COG2: variants seen among roughly 807,000 people sequenced by gnomAD.
COG2 encodes component of oligomeric golgi complex 2.
COG2 carries 52 observed loss-of-function variants against 90.6 expected under a neutral mutation model. That is an observed-to-expected ratio of 0.57 (90% CI 0.46 to 0.72). The LOEUF is 0.72. Ranked by LOEUF, COG2 falls within the 30% of genes least tolerant of loss-of-function variation. COG2 has a pLI of 0.00. For synonymous variants in COG2, 337 were observed against 320.4 expected (o/e 1.05, Z -0.55); for missense variants, 829 against 891.2 (o/e 0.93, Z 0.89).
chr1:230,672,819 A>G (rs1662485371), intron 8 of COG2, among the ~76,000 whole-genome samples: 2 of 152,116 alleles, frequency 1.3e-5, no homozygotes, highest in African/African-American at 4.8e-5. Flanking sequence ...GCCTCTTGAC[A>G]CAGTGTCTTA....
chr1:230,668,114 T>C (rs1345291652), intron 5 of COG2, among the ~76,000 whole-genome samples: 1 of 152,054 alleles, frequency 6.6e-6, no homozygotes, highest in Non-Finnish European at 1.5e-5. Flanking sequence ...AGAGTCAGTT[T>C]CATTCATTGA....
At chr1:230,644,288 G>A (rs1048056923) in intron 1 of COG2, among the ~76,000 whole-genome samples, 1 of 152,154 alleles carries the variant, frequency 6.6e-6, no homozygotes, top group African/African-American at 2.4e-5. Flanking sequence ...ACATAGAACA[G>A]CTGTTCTGTG....
intron 5 of COG2, among the ~76,000 whole-genome samples, chr1:230,667,724 C>A (rs1662353910): frequency 6.6e-6 from 1 of 152,186 alleles, no homozygotes; most frequent in Non-Finnish European, 1.5e-5. Context: ...TTGGATGCTA[C>A]AAATACAGAA....
intron 12 of COG2, among the ~76,000 whole-genome samples, chr1:230,686,305 A>G (rs1662882642): frequency 6.6e-6 from 1 of 152,168 alleles, no homozygotes; most frequent in Non-Finnish European, 1.5e-5. Context: ...TCTGAAGACC[A>G]CTGTATGATT....
intron 13 of COG2, among the ~76,000 whole-genome samples, chr1:230,687,352 T>C (rs910105067): frequency 6.6e-6 from 1 of 152,188 alleles, no homozygotes; most frequent in Non-Finnish European, 1.5e-5. Context: ...TGTGCACTTC[T>C]CCTCCTGTGT....
Position 230,685,087 on chromosome 1 carries a change from G to C in COG2, c.1231G>C (p.Glu411Gln), listed in dbSNP as rs1005317238. 10 of 1,613,612 alleles carry C rather than the reference G, an allele frequency of 6.2e-6. No individual in the cohort carries two copies. The South Asian group carries it at 6.6e-5, about 11-fold the overall frequency. The part of the protein sequence containing the change: ...LTDVLEDAPA[E>Q]SPYCLLASHR... ...TGTTGTTGTTGTTTTTTCTCTAGCT[G>C]AAAGTCCGTATTGCCTTTTGGCTTC... Residue 411 changes from glutamate (E) to glutamine (Q), a missense_variant and splice_region_variant, in exon 12 of 18, where the codon GAA (glutamate) becomes CAA (glutamine). Glu to Gln is a conservative substitution (Grantham distance 29). Coordinates refer to ENST00000366669, the MANE Select transcript of COG2 (RefSeq NM_007357.3).
intron 5 of COG2, among the ~76,000 whole-genome samples, chr1:230,667,448 TAGA>T (rs1171347465): frequency 6.6e-6 from 1 of 152,188 alleles, no homozygotes; most frequent in Non-Finnish European, 1.5e-5. Flanking sequence ...TTCAGTATAA[TAGA>T]CACTGCACTC....
chr1:230,679,733 T>C (rs1000956752), intron 10 of COG2: 4 of 152,230 alleles, frequency 2.6e-5, no homozygotes, highest in Non-Finnish European at 5.9e-5. Flanking sequence ...ATAAGAGTCA[T>C]TTTTGCAGAT....
At chr1:230,685,354 T>C in intron 12 of COG2, 118 bp downstream of exon 12, 1 of 979,496 alleles carries the variant, frequency 1.0e-6, no homozygotes, top group Non-Finnish European at 1.5e-6. Context: ...AGGACCACAG[T>C]AGTCTGACTT....
chr1:230,659,806 T>C (rs1458704703), intron 2 of COG2, among the ~76,000 whole-genome samples, 181 bp downstream of exon 2: 1 of 152,204 alleles, frequency 6.6e-6, no homozygotes, highest in Non-Finnish European at 1.5e-5. Flanking sequence ...TTTTGCTTTT[T>C]TACTTAAGAC....
Position 230,683,653 on chromosome 1 carries a change from A to AT in COG2, c.1228+19dup. The stretch of plus-strand genomic sequence containing the variant: ...TGCCCCAGGTAACTCCCTTAAAGTG[A>AT]TAAGTGGCATGGTATCCTAAATGAG... On this transcript the variant is annotated intron_variant, in intron 11 of 17. Transcript: ENST00000366669. The AT allele has an allele frequency of 6.4e-7, 1 of 1,555,596 alleles. No individual in the cohort carries two copies. Among genetic ancestry groups the AT allele is most frequent in the South Asian group, 1.1e-5 (1 of 89,912 alleles).
rs1662135962 is a variant in COG2 at position 230,659,511 on chromosome 1, C to T, written c.120C>T (p.Val40=). Residue 40 remains valine, a synonymous_variant, in exon 2 of 18, where the codon GTC becomes GTT. Coordinates refer to ENST00000366669, the MANE Select transcript of COG2 (RefSeq NM_007357.3). The part of the protein sequence containing the change: ...DHFVSDCRKR[V]QLEELRDDLE... ...TTGTGTCTGACTGTAGGAAGCGGGT[C>T]CAGCTGGAAGAACTGAGAGATGACC... 2 of 1,613,884 alleles carry T rather than the reference C, an allele frequency of 1.2e-6. No individual in the cohort carries two copies. Among genetic ancestry groups the T allele is most frequent in the Non-Finnish European group, 1.7e-6 (2 of 1,179,834 alleles).
At chr1:230,662,096 G>T (rs918293329) in intron 3 of COG2, among the ~76,000 whole-genome samples, 2 of 151,914 alleles carry the variant, frequency 1.3e-5, no homozygotes, top group African/African-American at 2.4e-5. Flanking sequence ...TCACTCTCCC[G>T]AATTCTGCTC....
intron 7 of COG2, chr1:230,671,282 T>G (rs527439261): frequency 8.3e-5 from 22 of 264,644 alleles, no homozygotes. Context: ...CAGATGAGAG[T>G]GCATGGTTTG....
intron 15 of COG2, among the ~76,000 whole-genome samples, chr1:230,689,572 A>G (rs1032000957): frequency 1.3e-5 from 2 of 152,260 alleles, no homozygotes; most frequent in East Asian, 3.8e-4. Context: ...ACAGTGGTCT[A>G]GTGATCAGCA....
At chr1:230,678,092 A>G (rs563513538) in intron 9 of COG2, 1 of 985,436 alleles carries the variant, frequency 1.0e-6, no homozygotes, top group East Asian at 1.1e-4. Flanking sequence ...ATGACCCTGG[A>G]TTGAGCCCCT....
At chr1:230,689,814 G>A (rs924085126) in intron 15 of COG2, 200 bp from the exon 16 acceptor site, 1 of 488,132 alleles carries the variant, frequency 2.0e-6, no homozygotes, top group South Asian at 3.2e-5. Context: ...TCACCTTCTT[G>A]TGCTGGCTCT....
intron 1 of COG2, among the ~76,000 whole-genome samples, chr1:230,646,288 A>G (rs766247988): frequency 1.1e-4 from 16 of 152,214 alleles, no homozygotes; most frequent in Admixed American, 2.0e-4. Context: ...ACTTCTCACC[A>G]AAGTTAACTA....
chr1:230,656,814 TTTACCA>T (rs1465852216), intron 1 of COG2, among the ~76,000 whole-genome samples: 2 of 152,226 alleles, frequency 1.3e-5, no homozygotes, highest in East Asian at 3.8e-4. Context: ...CATTGATCCC[TTTACCA>T]TTATGTAATG....
Sources: allele counts gnomAD v4.1 joint callset (sites outside exome capture counted in the v4.1 genomes callset), GRCh38; gene constraint gnomAD v4.1.1; transcripts MANE v1.5; gene names NCBI Gene and HGNC (gene_info 2026-07-23, HGNC 2026-07-21).